HDAC9: variants seen among roughly 807,000 people sequenced by gnomAD.
HDAC9 encodes histone deacetylase 9.
HDAC9 carries 41 observed loss-of-function variants against 139.4 expected under a neutral mutation model. The observed-to-expected ratio is 0.29, with a 90% CI of 0.23 to 0.38. HDAC9 has a LOEUF of 0.38. Ranked by LOEUF, HDAC9 falls within the 10% of genes least tolerant of loss-of-function variation. The pLI is 1.00. For synonymous variants in HDAC9, 517 were observed against 476.2 expected (o/e 1.09, Z -1.12); for missense variants, 1,147 against 1,297.0 (o/e 0.88, Z 1.78).
intron 16 of HDAC9, among the ~76,000 whole-genome samples, chr7:18,782,920 C>T (rs1017669664): frequency 7.2e-5 from 11 of 152,116 alleles, no homozygotes; most frequent in Non-Finnish European, 1.3e-4. Flanking sequence ...AGGTCTCTAA[C>T]GCTAAGGCAA....
At chr7:18,849,822 T>C (rs1797153040) in intron 21 of HDAC9, among the ~76,000 whole-genome samples, 1 of 152,174 alleles carries the variant, frequency 6.6e-6, no homozygotes, top group Admixed American at 6.6e-5. Flanking sequence ...TTTTCCTGGT[T>C]AGAAAAGAAC....
intron 23 of HDAC9, among the ~76,000 whole-genome samples, chr7:18,937,030 A>ATTTTTTTTTTTTT (rs768350029): frequency 2.1e-5 from 2 of 96,694 alleles, no homozygotes; most frequent in Non-Finnish European, 1.9e-5. Context: ...GCTCTTGTTA[A>ATTTTTTTTTTTTT]TTTTTTTTTT....
chr7:18,446,370 C>T (rs535286937), intron 1 of HDAC9, among the ~76,000 whole-genome samples: 118 of 151,986 alleles, frequency 7.8e-4, no homozygotes, highest in South Asian at 6.8e-3. Flanking sequence ...CATGCCTAGT[C>T]GGGGGGTGGG....
intron 24 of HDAC9, among the ~76,000 whole-genome samples, chr7:18,967,929 G>A (rs1268934369): frequency 6.6e-6 from 1 of 152,164 alleles, no homozygotes; most frequent in Admixed American, 6.5e-5. Flanking sequence ...TTCGGAGGCC[G>A]AGGCGGGCGG....
chr7:18,179,243 T>G (rs1789194269), intron 2 of HDAC9, among the ~76,000 whole-genome samples: 1 of 152,228 alleles, frequency 6.6e-6, no homozygotes, highest in African/African-American at 2.4e-5. Flanking sequence ...CCCTGACTGA[T>G]GCAATAGTCC....
At chr7:18,720,223 G>A (rs914810740) in intron 12 of HDAC9, among the ~76,000 whole-genome samples, 1 of 151,970 alleles carries the variant, frequency 6.6e-6, no homozygotes, top group African/African-American at 2.4e-5. Context: ...AATTAAATAT[G>A]AGAAGCTCTG....
intron 22 of HDAC9, among the ~76,000 whole-genome samples, chr7:18,918,782 C>G (rs1035031095): frequency 6.6e-6 from 1 of 151,972 alleles, no homozygotes; most frequent in African/African-American, 2.4e-5. Flanking sequence ...ATCCAAAGAA[C>G]CTGCTTTTCC....
chr7:18,446,443 G>A (rs972819866), intron 1 of HDAC9, among the ~76,000 whole-genome samples: 1 of 152,156 alleles, frequency 6.6e-6, no homozygotes, highest in Non-Finnish European at 1.5e-5. Flanking sequence ...AAGGTTTAGG[G>A]ATACACTTTT....
chr7:18,454,598 A>T (rs925534965), intron 1 of HDAC9, among the ~76,000 whole-genome samples: 11 of 152,138 alleles, frequency 7.2e-5, no homozygotes, highest in African/African-American at 2.6e-4. Flanking sequence ...AACATACATC[A>T]TTATAAGGTA....
intron 2 of HDAC9, among the ~76,000 whole-genome samples, chr7:18,207,393 GATTC>G (rs986610689): frequency 6.6e-6 from 1 of 151,782 alleles, no homozygotes; most frequent in Non-Finnish European, 1.5e-5. Context: ...ATTTTGTTTT[GATTC>G]ATTATTTTTA....
intron 2 of HDAC9, among the ~76,000 whole-genome samples, chr7:18,224,491 T>G (rs1430960667): frequency 6.6e-6 from 1 of 152,164 alleles, no homozygotes; most frequent in African/African-American, 2.4e-5. Flanking sequence ...ACATTTAAAT[T>G]CTTAGCACAA....
intron 7 of HDAC9, among the ~76,000 whole-genome samples, chr7:18,630,716 G>A (rs919612137): frequency 6.6e-6 from 1 of 151,884 alleles, no homozygotes; most frequent in Non-Finnish European, 1.5e-5. Flanking sequence ...TAATTTAGAC[G>A]AATTGAATTC....
intron 1 of HDAC9, among the ~76,000 whole-genome samples, chr7:18,112,855 G>A (rs1272735816): frequency 6.6e-6 from 1 of 152,136 alleles, no homozygotes; most frequent in Non-Finnish European, 1.5e-5. Context: ...GGCAGAGAAG[G>A]GATGTTGCAT....
chr7:18,576,264 T>C (rs1242059156), intron 2 of HDAC9, among the ~76,000 whole-genome samples: 1 of 152,184 alleles, frequency 6.6e-6, no homozygotes, highest in African/African-American at 2.4e-5. Flanking sequence ...CCAGCCATGT[T>C]AGAGACGGAG....
At chr7:18,698,071 T>C (rs1304616349) in intron 12 of HDAC9, among the ~76,000 whole-genome samples, 1 of 152,174 alleles carries the variant, frequency 6.6e-6, no homozygotes, top group Admixed American at 6.5e-5. Flanking sequence ...GAAACTTATC[T>C]GTTATCATAA....
chr7:18,188,980 A>T (rs1473958059), intron 2 of HDAC9, among the ~76,000 whole-genome samples: 4 of 152,216 alleles, frequency 2.6e-5, no homozygotes, highest in Non-Finnish European at 5.9e-5. Flanking sequence ...TGACCCAGCA[A>T]TCCCATTACT....
At chr7:18,685,188 G>A (rs1412621698) in intron 12 of HDAC9, among the ~76,000 whole-genome samples, 2 of 152,004 alleles carry the variant, frequency 1.3e-5, no homozygotes, top group Non-Finnish European at 2.9e-5. Context: ...TCTAGCTATG[G>A]AATCTACTGG....
intron 1 of HDAC9, among the ~76,000 whole-genome samples, chr7:18,296,215 C>T (rs762183264): frequency 3.3e-5 from 5 of 152,142 alleles, no homozygotes; most frequent in Non-Finnish European, 7.4e-5. Flanking sequence ...AGTGCTCCAC[C>T]CAGTGCATGT....
At chr7:18,638,911 T>C (rs1407829686) in intron 8 of HDAC9, among the ~76,000 whole-genome samples, 1 of 152,028 alleles carries the variant, frequency 6.6e-6, no homozygotes, top group East Asian at 1.9e-4. Context: ...TCTTTACCTA[T>C]CTAGTTACTT....
Sources: allele counts gnomAD v4.1 joint callset (sites outside exome capture counted in the v4.1 genomes callset), GRCh38; gene constraint gnomAD v4.1.1; transcripts MANE v1.5; gene names NCBI Gene and HGNC (gene_info 2026-07-23, HGNC 2026-07-21).